The following TFB1M variants were observed in gnomAD, a reference collection of about 807,000 sequenced individuals.
TFB1M encodes transcription factor B1, mitochondrial.
TFB1M carries 27 observed loss-of-function variants against 31.1 expected under a neutral mutation model. The ratio of observed to expected loss-of-function variants is 0.87; its 90% CI spans 0.64 to 1.20. The LOEUF is 1.20. Ranked by LOEUF, TFB1M falls within the 50% of genes most tolerant of loss-of-function variation. The probability of loss-of-function intolerance (pLI) is 0.00; values close to 1 mark genes in which losing one functional copy is unlikely to be tolerated. For synonymous variants in TFB1M, 166 were observed against 151.8 expected, an observed-to-expected ratio of 1.09 and a Z score of -0.69; for missense variants, 394 against 418.7, an observed-to-expected ratio of 0.94 and a Z score of 0.51.
rs1784180449 is a variant in TFB1M, at chr6:155,257,923, A to T, written c.954T>A (p.Phe318Leu). The T allele has an allele frequency of 6.2e-7, 1 of 1,613,956 alleles. No individual in the cohort carries two copies. Among genetic ancestry groups the T allele is most frequent in the Non-Finnish European group, 8.5e-7 (1 of 1,180,000 alleles). The change falls in exon 7 of 7, where the codon TTT (phenylalanine) becomes TTA (leucine). Residue 318 changes from phenylalanine (F) to leucine (L), a missense_variant. Around this residue, in one of 3 missense-constraint regions of TFB1M, gnomAD observed 115 missense variants for 144.1 expected, o/e 0.80. Coordinates refer to ENST00000367166, the MANE Select transcript of TFB1M (RefSeq NM_016020.4). ...TGAGTTCTTCTCTGAAATTATATGC[A>T]AAGAGTTGTGGGTCTTCATCACACA... ...RKMCDEDPQL[F>L]AYNFREELKR... is the part of the protein sequence containing the mutation.
At chr6:155,265,296 A>T (rs932895542) in intron 5 of TFB1M, among the ~76,000 whole-genome samples, 26 of 152,266 alleles carry the variant, frequency 1.7e-4, no homozygotes, top group Admixed American at 5.2e-4. Flanking sequence ...AGGACCTCAG[A>T]GAGGCTCTCA....
chr6:155,251,885 GT>G (rs1399269101), downstream of TFB1M: 6 of 1,381,418 alleles, frequency 4.3e-6, no homozygotes, highest in Non-Finnish European at 5.1e-6. Context: ...TTCAGCTCTA[GT>G]TTAACCTTGG....
chr6:155,301,360 C>T (rs1670426203), intron 2 of TFB1M, among the ~76,000 whole-genome samples: 1 of 152,106 alleles, frequency 6.6e-6, no homozygotes, highest in Non-Finnish European at 1.5e-5. Flanking sequence ...TAGACAGTAC[C>T]CTTTTAAACA....
chr6:155,292,975 T>G (rs992030476), intron 4 of TFB1M, among the ~76,000 whole-genome samples: 1 of 152,076 alleles, frequency 6.6e-6, no homozygotes, highest in Non-Finnish European at 1.5e-5. Context: ...ACCACAGGCA[T>G]GCAGCACCGG....
chr6:155,295,870 G>T (rs1777145874), intron 4 of TFB1M, among the ~76,000 whole-genome samples: 1 of 152,150 alleles, frequency 6.6e-6, no homozygotes, highest in Non-Finnish European at 1.5e-5. Context: ...AAGTATATGG[G>T]ATGATATGCA....
chr6:155,276,272 T>C (rs773141580), intron 5 of TFB1M: 1 of 1,614,124 alleles, frequency 6.2e-7, no homozygotes, highest in South Asian at 1.1e-5. Context: ...CTGCACCTCC[T>C]GTATAAAAAG....
At chr6:155,239,390 G>C in the TFB1M span, among the ~76,000 whole-genome samples, 17 of 152,336 alleles carry the variant, frequency 1.1e-4, no homozygotes, top group African/African-American at 3.8e-4. Flanking sequence ...AGATGTGAAA[G>C]AAAGAAGCCA....
chr6:155,251,188 G>A (rs370623759), downstream of TFB1M, among the ~76,000 whole-genome samples: 2 of 152,204 alleles, frequency 1.3e-5, no homozygotes, highest in Non-Finnish European at 2.9e-5. Context: ...CTCCGGCATC[G>A]CTCTGCATCC....
the TFB1M span, chr6:155,248,009 A>T: frequency 1.2e-6 from 2 of 1,614,036 alleles, no homozygotes; most frequent in East Asian, 4.5e-5. Context: ...GCTAAAACTG[A>T]CAAAGCCTTC....
intron 2 of TFB1M, among the ~76,000 whole-genome samples, chr6:155,301,521 C>T (rs1206333520): frequency 6.6e-6 from 1 of 152,196 alleles, no homozygotes; most frequent in East Asian, 1.9e-4. Context: ...GAGCATTACA[C>T]TTCAAAACCC....
At chr6:155,261,608 G>A (rs1465782688) in intron 5 of TFB1M, among the ~76,000 whole-genome samples, 2 of 152,130 alleles carry the variant, frequency 1.3e-5, no homozygotes, top group African/African-American at 2.4e-5. Flanking sequence ...AGCCTGACGC[G>A]CTTGTGGGAG....
At chr6:155,301,292 G>A (rs923902393) in intron 2 of TFB1M, among the ~76,000 whole-genome samples, 7 of 152,172 alleles carry the variant, frequency 4.6e-5, no homozygotes, top group Admixed American at 3.3e-4. Context: ...TTTATGTGAA[G>A]TCCTTAAAGC....
rs955094323 is a variant in TFB1M, at chr6:155,264,293, G to A, written c.667-3893C>T. The A allele has an allele frequency of 1.3e-5, 2 of 152,144 alleles. No homozygotes were observed. Among genetic ancestry groups the A allele is most frequent in the Admixed American group, 1.3e-4 (2 of 15,282 alleles). 9.4% of individuals were successfully genotyped at this position (152,144 alleles called of 1,614,324 possible). A position where few individuals can be genotyped will look rare whatever the true frequency, so the allele number is the denominator to read the frequency against. On this transcript the variant is annotated intron_variant, in intron 5 of 6. Transcript: ENST00000367166. Reference sequence around the variant, plus strand: ...TCGAGGTTACAACTTTCCCAGGTAAGGAGAATCCCAGGTAGAGGCAGCAAG... The same window carrying A: ...TCGAGGTTACAACTTTCCCAGGTAAAGAGAATCCCAGGTAGAGGCAGCAAG...
At chr6:155,296,569 T>C (rs550560302) in intron 4 of TFB1M, among the ~76,000 whole-genome samples, 1 of 151,122 alleles carries the variant, frequency 6.6e-6, no homozygotes, top group South Asian at 2.1e-4. Context: ...TGAGTCACCA[T>C]GCCCGGCCAA....
chr6:155,283,120 G>T (rs1401300265), intron 5 of TFB1M, among the ~76,000 whole-genome samples: 3 of 152,062 alleles, frequency 2.0e-5, no homozygotes, highest in Non-Finnish European at 4.4e-5. Context: ...GCCCTAATAT[G>T]GTAAAACTAC....
At chr6:155,284,623 GAAA>G (rs1776538308) in intron 5 of TFB1M, among the ~76,000 whole-genome samples, 1 of 152,138 alleles carries the variant, frequency 6.6e-6, no homozygotes, top group Non-Finnish European at 1.5e-5. Flanking sequence ...TTTTGGCAGA[GAAA>G]CTCTGTTTCT....
intron 5 of TFB1M, among the ~76,000 whole-genome samples, chr6:155,268,418 G>A (rs188045539): frequency 1.3e-5 from 2 of 152,300 alleles, no homozygotes; most frequent in Non-Finnish European, 2.9e-5. Flanking sequence ...GCCTGTTACT[G>A]TGATCCAGTG....
At chr6:155,273,793 C>G (rs1688525999) in intron 5 of TFB1M, among the ~76,000 whole-genome samples, 1 of 152,130 alleles carries the variant, frequency 6.6e-6, no homozygotes, top group Admixed American at 6.5e-5. Flanking sequence ...GGGTGATATC[C>G]TATCTGAACA....
At chr6:155,244,902 C>G in the TFB1M span, 1 of 1,267,064 alleles carries the variant, frequency 7.9e-7, no homozygotes, top group Non-Finnish European at 1.1e-6. Context: ...TATTTATTGT[C>G]CTGTGACTAT....
Sources: allele counts gnomAD v4.1 joint callset (sites outside exome capture counted in the v4.1 genomes callset), GRCh38; gene constraint gnomAD v4.1.1; regional missense constraint gnomAD v4.1.1; transcripts MANE v1.5; gene names NCBI Gene and HGNC (gene_info 2026-07-23, HGNC 2026-07-21).